The following CNTN5 variants were observed in gnomAD, a reference collection of about 807,000 sequenced individuals.
CNTN5 encodes contactin-5.
In CNTN5, 77 loss-of-function variants were observed where a neutral mutation model predicts 129.1. That is an observed-to-expected ratio of 0.60 (90% CI 0.50 to 0.72). The LOEUF (loss-of-function observed/expected upper bound fraction) is 0.72. Among genes scored for constraint, CNTN5 ranks in the 30% least tolerant of loss-of-function variants. CNTN5 has a pLI of 0.00. For synonymous variants in CNTN5, 509 were observed against 465.6 expected (o/e 1.09, Z -1.20); for missense variants, 1,478 against 1,328.8 (o/e 1.11, Z -1.75).
chr11:100,081,774 A>C (rs1443450006), intron 13 of CNTN5, among the ~76,000 whole-genome samples: 2 of 152,200 alleles, frequency 1.3e-5, no homozygotes, highest in African/African-American at 2.4e-5. Context: ...AGATACGACT[A>C]AGGACTAGAA....
intron 1 of CNTN5, among the ~76,000 whole-genome samples, chr11:99,127,301 A>ATC (rs1395899087): frequency 2.6e-5 from 4 of 152,166 alleles, no homozygotes; most frequent in African/African-American, 9.7e-5. Context: ...CTTCAATGTC[A>ATC]TAAATGTTCA....
At chr11:99,955,043 G>A (rs1950765412) in intron 7 of CNTN5, among the ~76,000 whole-genome samples, 1 of 151,966 alleles carries the variant, frequency 6.6e-6, no homozygotes, top group Non-Finnish European at 1.5e-5. Flanking sequence ...ATGATGTCCT[G>A]TAATTGTTAG....
At chr11:99,342,161 C>A (rs1300565090) in intron 2 of CNTN5, among the ~76,000 whole-genome samples, 1 of 151,886 alleles carries the variant, frequency 6.6e-6, no homozygotes, top group Non-Finnish European at 1.5e-5. Flanking sequence ...ATATCAGAAG[C>A]AAACATTTTA....
At chr11:100,298,626 G>A (rs1346575953) in intron 19 of CNTN5, among the ~76,000 whole-genome samples, 1 of 151,250 alleles carries the variant, frequency 6.6e-6, no homozygotes, top group Non-Finnish European at 1.5e-5. Flanking sequence ...TGCAGTTGAA[G>A]CCCATGTAAC....
intron 6 of CNTN5, among the ~76,000 whole-genome samples, chr11:99,853,457 T>G (rs1947939456): frequency 6.6e-6 from 1 of 152,032 alleles, no homozygotes; most frequent in Non-Finnish European, 1.5e-5. Context: ...TGGAGCACAA[T>G]GGTGCATTCT....
At chr11:100,307,359 G>C (rs1395387552) in intron 20 of CNTN5, among the ~76,000 whole-genome samples, 2 of 151,700 alleles carry the variant, frequency 1.3e-5, no homozygotes. Context: ...TTGAACTAAT[G>C]TATGGCCTTT....
intron 3 of CNTN5, among the ~76,000 whole-genome samples, chr11:99,636,133 C>A (rs889676484): frequency 7.3e-5 from 11 of 151,588 alleles, no homozygotes; most frequent in Non-Finnish European, 1.2e-4. Flanking sequence ...AAAATAGATA[C>A]CCATATGCAT....
intron 1 of CNTN5, among the ~76,000 whole-genome samples, chr11:99,308,978 A>G (rs553274528): frequency 5.3e-5 from 8 of 152,276 alleles, no homozygotes; most frequent in African/African-American, 1.9e-4. Flanking sequence ...CTTATACAAA[A>G]TATACATTTG....
At chr11:99,062,026 G>T (rs959810936) in intron 1 of CNTN5, among the ~76,000 whole-genome samples, 9 of 151,640 alleles carry the variant, frequency 5.9e-5, no homozygotes, top group African/African-American at 2.2e-4. Flanking sequence ...TTTATAAATT[G>T]CAGATTCAAT....
intron 2 of CNTN5, among the ~76,000 whole-genome samples, chr11:99,394,396 C>T (rs1504718): frequency 1 from 151,608 of 151,766 alleles, 75,726 homozygotes; most frequent in Non-Finnish European, 1. Context: ...AAAATTTTCA[C>T]CCTCCAAACT....
At chr11:99,910,941 A>G (rs1407176456) in intron 6 of CNTN5, among the ~76,000 whole-genome samples, 1 of 152,088 alleles carries the variant, frequency 6.6e-6, no homozygotes, top group Non-Finnish European at 1.5e-5. Flanking sequence ...TCAATATGCA[A>G]TCACTTTGCA....
intron 3 of CNTN5, among the ~76,000 whole-genome samples, chr11:99,684,879 GTAATTGTTGGAAAAAA>G (rs1405188221): frequency 2.0e-5 from 3 of 149,992 alleles, no homozygotes; most frequent in African/African-American, 7.5e-5. Flanking sequence ...AAAAATTTTA[GTAATTGTTGGAAAAAA>G]CAAATTTTTG....
At chr11:99,693,005 A>G (rs897758320) in intron 3 of CNTN5, among the ~76,000 whole-genome samples, 2 of 152,180 alleles carry the variant, frequency 1.3e-5, no homozygotes, top group Non-Finnish European at 2.9e-5. Flanking sequence ...AATGAAAGCA[A>G]TATTTAAATA....
rs117088598 is a variant in CNTN5 at position 100,074,762 on chromosome 11, A to T, written c.1580+468A>T. On this transcript the variant is annotated intron_variant, in intron 13 of 24. Coordinates refer to ENST00000524871, the MANE Select transcript of CNTN5 (RefSeq NM_014361.4). ...TTTATCCAGGTCATATTTAGGCAAA[A>T]TAGTATAGGATTATTTTTAGTGCCA... 2.9e-3 allele frequency among the ~76,000 whole-genome samples: 442 copies of T among 152,262 alleles called. 3 individuals carry two copies. In the Middle Eastern group the frequency reaches 0.034, roughly 12 times the overall value.
intron 1 of CNTN5, among the ~76,000 whole-genome samples, chr11:99,164,891 C>T (rs1019136195): frequency 1.8e-4 from 28 of 152,202 alleles, no homozygotes; most frequent in Admixed American, 1.0e-3. Flanking sequence ...AAAGAGCTCT[C>T]GCTGTCTCTC....
intron 13 of CNTN5, among the ~76,000 whole-genome samples, chr11:100,131,106 CACGGGAGTTAT>C (rs139719599): frequency 0.049 from 7,421 of 151,976 alleles, 401 homozygotes; most frequent in African/African-American, 0.13. Context: ...GAAAATTAAG[CACGGGAGTTAT>C]CTGATCTTAT....
At position 99,037,262 on chromosome 11, in the gene CNTN5, G is replaced by T. The variant is rs546167051; in HGVS notation, c.-210+15992G>T. ...TTTCTCTCCCTCTATTCTCCAACATGTCAATAATTCTGATGGGATAATCTT... is the reference window on the plus strand; with the variant it reads ...TTTCTCTCCCTCTATTCTCCAACATTTCAATAATTCTGATGGGATAATCTT... On this transcript the variant is annotated intron_variant, in intron 1 of 24. Transcript: ENST00000524871. Among the ~76,000 whole-genome samples, 10 of 152,174 alleles carry T rather than the reference G, an allele frequency of 6.6e-5. No individual in the cohort carries two copies. In the South Asian group the frequency reaches 2.1e-3, roughly 32 times the overall value.
intron 1 of CNTN5, among the ~76,000 whole-genome samples, chr11:99,253,608 T>A (rs995314350): frequency 3.3e-5 from 5 of 152,012 alleles, no homozygotes; most frequent in African/African-American, 1.2e-4. Context: ...TTGAGTTAGT[T>A]ATTTTTAGAT....
At chr11:99,942,698 C>T (rs1036518679) in intron 7 of CNTN5, among the ~76,000 whole-genome samples, 1 of 151,992 alleles carries the variant, frequency 6.6e-6, no homozygotes, top group Non-Finnish European at 1.5e-5. Flanking sequence ...CCCCGACAGG[C>T]CCCGGTGTAT....
Sources: allele counts gnomAD v4.1 joint callset (sites outside exome capture counted in the v4.1 genomes callset), GRCh38; gene constraint gnomAD v4.1.1; transcripts MANE v1.5; gene names NCBI Gene and HGNC (gene_info 2026-07-23, HGNC 2026-07-21).